The following DENND6A variants were observed in gnomAD, a reference collection of about 807,000 sequenced individuals.
DENND6A encodes the protein protein DENND6A.
DENND6A carries 43 observed loss-of-function variants against 95.5 expected under a neutral mutation model. The ratio of observed to expected loss-of-function variants is 0.45; its 90% confidence interval spans 0.35 to 0.58. The LOEUF (loss-of-function observed/expected upper bound fraction) is 0.58. Ranked by LOEUF, DENND6A falls within the 20% of genes least tolerant of loss-of-function variation. DENND6A has a pLI of 0.00. For missense variants in DENND6A, 574 were observed against 736.0 expected (o/e 0.78, Z 2.55); for synonymous variants, 257 against 260.4 (o/e 0.99, Z 0.13).
intron 1 of DENND6A, among the ~76,000 whole-genome samples, chr3:57,676,346 C>T (rs1375421324): frequency 7.1e-6 from 1 of 141,386 alleles, no homozygotes; most frequent in Non-Finnish European, 1.5e-5. Flanking sequence ...CACCACTGCC[C>T]TTCAGCCTGG....
chr3:57,669,539 C>A (rs2071579981), intron 3 of DENND6A, among the ~76,000 whole-genome samples: 1 of 151,168 alleles, frequency 6.6e-6, no homozygotes, highest in South Asian at 2.2e-4. Context: ...CACAGTGAAA[C>A]CCCATCTCTA....
intron 15 of DENND6A, chr3:57,631,220 AG>A (rs2070663914): frequency 2.2e-6 from 1 of 454,580 alleles, no homozygotes; most frequent in South Asian, 2.7e-5. Flanking sequence ...TTTTTGAGAC[AG>A]AGCCTTGTTC....
intron 1 of DENND6A, 141 bp from the exon 2 acceptor site, chr3:57,672,579 T>TAAA: frequency 1.3e-6 from 1 of 798,450 alleles, no homozygotes; most frequent in East Asian, 2.9e-5. Context: ...GGTCAGGTGT[T>TAAA]TAAGACCAAC....
At chr3:57,692,244 A>C (rs1162778850) in intron 1 of DENND6A, among the ~76,000 whole-genome samples, 1 of 151,798 alleles carries the variant, frequency 6.6e-6, no homozygotes, top group African/African-American at 2.4e-5. Context: ...AAAAAAAAAA[A>C]AAAAAACAGA....
At position 57,641,717 on chromosome 3, in the gene DENND6A, A is replaced by G. The variant is rs759307247; in HGVS notation, c.1068T>C (p.Pro356=). The G allele has an allele frequency of 1.4e-5, 22 of 1,613,468 alleles. No homozygotes were observed. The highest frequency in any genetic ancestry group is 1.8e-5 in the Non-Finnish European group (21 of 1,179,660). ...AGTGCTGGAGTGTCTTAGCAAAAAA[A>G]GGGTTGGTTACTCCTAATATAACTG... ...PPSVILGVTN[P]FFAKTLQHWP... The change falls in exon 12 of 20, where the codon CCT becomes CCC. Residue 356 remains proline, a synonymous_variant. Transcript: ENST00000311128.
At chr3:57,679,922 T>C (rs994075084) in intron 1 of DENND6A, among the ~76,000 whole-genome samples, 2 of 152,048 alleles carry the variant, frequency 1.3e-5, no homozygotes, top group Non-Finnish European at 2.9e-5. Flanking sequence ...AAGCGAGATA[T>C]AGAGATGGTA....
chr3:57,686,184 A>G (rs1462944639), intron 1 of DENND6A, among the ~76,000 whole-genome samples: 5 of 152,230 alleles, frequency 3.3e-5, no homozygotes, highest in Admixed American at 6.5e-5. Flanking sequence ...GCATTAACAG[A>G]TATTTCCATA....
chr3:57,660,725 A>C (rs2071407500), intron 7 of DENND6A, 35 bp downstream of exon 7: 1 of 1,553,118 alleles, frequency 6.4e-7, no homozygotes, highest in African/African-American at 1.4e-5. Context: ...TAAAAATAAA[A>C]ATAAAAAGGA....
chr3:57,685,280 A>G (rs2077202197), intron 1 of DENND6A, among the ~76,000 whole-genome samples: 1 of 152,066 alleles, frequency 6.6e-6, no homozygotes, highest in Non-Finnish European at 1.5e-5. Context: ...AGAAACTAAA[A>G]GTATCATTAA....
intron 1 of DENND6A, among the ~76,000 whole-genome samples, chr3:57,677,895 A>G (rs577776986): frequency 2.6e-5 from 4 of 152,234 alleles, no homozygotes; most frequent in South Asian, 4.1e-4. Context: ...GATTAATATA[A>G]TCCTTCTCAG....
chr3:57,634,965 G>A (rs760556891), intron 12 of DENND6A, among the ~76,000 whole-genome samples, 196 bp from the exon 13 acceptor site: 21 of 152,096 alleles, frequency 1.4e-4, no homozygotes, highest in African/African-American at 4.1e-4. Context: ...TACTACAACA[G>A]TACAGAAATA....
Position 57,674,329 on chromosome 3 carries a change from C to T in DENND6A, c.238-1891G>A, listed in dbSNP as rs537047362. Among the ~76,000 whole-genome samples, 45 of 150,844 alleles carry T rather than the reference C, an allele frequency of 3.0e-4. 1 individual carries two copies. The highest frequency in any genetic ancestry group is 8.6e-4 in the Admixed American group (13 of 15,132). On this transcript the variant is annotated intron_variant, in intron 1 of 19. Transcript: ENST00000311128. ...TGGAGGTTGCAGCGAGCCAAGATCG[C>T]GCCACTGCACTCCAGCCTGGGTGAC...
chr3:57,670,493 G>A (rs1290879423), intron 3 of DENND6A, among the ~76,000 whole-genome samples: 4 of 152,184 alleles, frequency 2.6e-5, no homozygotes, highest in African/African-American at 9.7e-5. Context: ...AATTAAGCTG[G>A]TACCATCTCC....
intron 9 of DENND6A, among the ~76,000 whole-genome samples, chr3:57,652,758 T>C (rs2071236859): frequency 6.6e-6 from 1 of 152,194 alleles, no homozygotes; most frequent in South Asian, 2.1e-4. Flanking sequence ...TCCTGACAGA[T>C]GCAGAGCCTC....
intron 9 of DENND6A, among the ~76,000 whole-genome samples, chr3:57,647,297 C>A (rs2071099463): frequency 6.6e-6 from 1 of 152,044 alleles, no homozygotes; most frequent in African/African-American, 2.4e-5. Flanking sequence ...AAGAAACAAA[C>A]AACAACAAAA....
chr3:57,681,009 A>C (rs1273259783), intron 1 of DENND6A, among the ~76,000 whole-genome samples: 4 of 152,212 alleles, frequency 2.6e-5, no homozygotes, highest in African/African-American at 2.4e-5. Flanking sequence ...ATAGAGTTAC[A>C]GTATAGCCCT....
chr3:57,662,177 TC>T (rs2153415617), intron 5 of DENND6A, among the ~76,000 whole-genome samples: 2 of 123,756 alleles, frequency 1.6e-5, no homozygotes, highest in Admixed American at 1.0e-4. Context: ...TTCTTTCTTT[TC>T]TTTTTTCTTT....
At chr3:57,635,027 ATTAC>A (rs1230948701) in intron 12 of DENND6A, among the ~76,000 whole-genome samples, 2 of 152,212 alleles carry the variant, frequency 1.3e-5, no homozygotes, top group Non-Finnish European at 2.9e-5. Flanking sequence ...AATATCTATC[ATTAC>A]TTAAATTTTT....
At position 57,673,630 on chromosome 3, in the gene DENND6A, C is replaced by T. The variant is rs148492802; in HGVS notation, c.238-1192G>A. Among the ~76,000 whole-genome samples, 512 of 152,258 alleles carry T rather than the reference C, an allele frequency of 3.4e-3. 7 individuals are homozygous for T. Among genetic ancestry groups the T allele is most frequent in the Non-Finnish European group, 8.7e-4 (59 of 68,030 alleles). On this transcript the variant is annotated intron_variant, in intron 1 of 19. Coordinates refer to ENST00000311128, the MANE Select transcript of DENND6A (RefSeq NM_152678.3). Reference sequence around the variant, plus strand: ...GATAAATGCTTGAAGTGATGGATATCCCAATAACTCTATTTGATCATTATA... The same window carrying T: ...GATAAATGCTTGAAGTGATGGATATTCCAATAACTCTATTTGATCATTATA...
Sources: gnomAD v4.1 joint callset for allele counts (sites outside exome capture counted in the v4.1 genomes callset) on GRCh38, gnomAD v4.1.1 for gene constraint, MANE v1.5 for transcripts, NCBI Gene and HGNC (gene_info 2026-07-23, HGNC 2026-07-21) for gene names.